Variants in TFCP2L1 observed in about 807,000 individuals in gnomAD.
The protein encoded by TFCP2L1 is transcription factor CP2-like protein 1.
Under a neutral mutation model 72.2 loss-of-function variants are expected in TFCP2L1, and 12 were observed. That is an observed-to-expected ratio of 0.17 (90% CI 0.11 to 0.27). TFCP2L1 has a LOEUF of 0.27. Ranked by LOEUF, TFCP2L1 falls within the 10% of genes least tolerant of loss-of-function variation. The pLI is 1.00. For missense variants in TFCP2L1, 488 were observed against 624.6 expected, an observed-to-expected ratio of 0.78 and a Z score of 2.33; for synonymous variants, 260 against 251.0, an observed-to-expected ratio of 1.04 and a Z score of -0.34.
intron 7 of TFCP2L1, chr2:121,240,127 T>C: frequency 1.0e-6 from 1 of 984,950 alleles, no homozygotes; most frequent in Non-Finnish European, 1.2e-6. Flanking sequence ...AAGAATCTGC[T>C]GACAGGGGCG....
In TFCP2L1 at chr2:121,260,740, T is replaced by G. The variant is rs184408039; in HGVS notation, c.215-11093A>C. Among the ~76,000 whole-genome samples the G allele has an allele frequency of 6.6e-4, 101 of 152,306 alleles. No homozygotes were observed. In the East Asian group the frequency reaches 0.012, roughly 18 times the overall value. ...TGCCCCTCTCCCAGTGGGCCTCCCC[T>G]GGGTCGTGCCCACCAGGTGCTCCTG... is the stretch of plus-strand genomic sequence containing the variant. On this transcript the variant is annotated intron_variant, in intron 2 of 14. Transcript: ENST00000263707.
intron 6 of TFCP2L1, among the ~76,000 whole-genome samples, chr2:121,244,133 C>T (rs1026150377): frequency 4.6e-5 from 7 of 152,208 alleles, no homozygotes; most frequent in Admixed American, 4.6e-4. Flanking sequence ...GGAGACTCCT[C>T]CTCCCTGCAC....
chr2:121,254,522 C>T (rs1247974132), intron 2 of TFCP2L1, among the ~76,000 whole-genome samples: 3 of 152,192 alleles, frequency 2.0e-5, no homozygotes, highest in Non-Finnish European at 4.4e-5. Flanking sequence ...TGGTGGCTTA[C>T]ACCTGTAATC....
intron 2 of TFCP2L1, among the ~76,000 whole-genome samples, chr2:121,256,954 C>T (rs1038733761): frequency 5.9e-5 from 9 of 151,908 alleles, no homozygotes; most frequent in Non-Finnish European, 1.0e-4. Flanking sequence ...GGTCCTGCAA[C>T]GGCCCCAGGA....
chr2:121,235,582 T>C (rs1003588653), intron 10 of TFCP2L1, among the ~76,000 whole-genome samples: 20 of 149,468 alleles, frequency 1.3e-4, no homozygotes, highest in African/African-American at 2.9e-4. Context: ...TTCTTTTTTT[T>C]TTTTTTTTTT....
intron 2 of TFCP2L1, among the ~76,000 whole-genome samples, chr2:121,250,670 G>A (rs907334503): frequency 9.8e-4 from 146 of 149,030 alleles, no homozygotes; most frequent in African/African-American, 3.3e-3. Flanking sequence ...GCAGTGGCAC[G>A]ATCTTGGCTC....
chr2:121,249,078 G>A lies in TFCP2L1; in HGVS notation c.301C>T (p.Arg101Cys). ...LNTKYVKSII[R>C]VVFHDRRLQY... is the part of the protein sequence containing the mutation. ...AGCCGGCGGTCATGGAAGACCACAC[G>A]GATGATGCTCTGGGGAGGGAGGCCA... The change falls in exon 4 of 15, where the codon CGT becomes TGT. Residue 101 changes from arginine to cysteine, a missense_variant. Physicochemically the swap from Arg to Cys is radical, Grantham distance 180 (BLOSUM62 -3). Coordinates refer to ENST00000263707, the MANE Select transcript of TFCP2L1 (RefSeq NM_014553.3). 1.3e-6 allele frequency: 2 copies of A among 1,586,424 alleles called. No individual in the cohort carries two copies.
At chr2:121,272,437 C>T (rs1463660303) in intron 2 of TFCP2L1, among the ~76,000 whole-genome samples, 3 of 152,182 alleles carry the variant, frequency 2.0e-5, no homozygotes, top group Non-Finnish European at 2.9e-5. Context: ...GCTATTTCAA[C>T]ACCTTGCATA....
Position 121,228,257 on chromosome 2 carries a change from C to T in TFCP2L1, c.1342-2644G>A, listed in dbSNP as rs1026822149. On this transcript the variant is annotated intron_variant, in intron 13 of 14. Transcript: ENST00000263707. ...GAGGAAGGAACTGCCTTCAGGGACC[C>T]GTGATATTGCAAGCGTTCCCCACAT... Among the ~76,000 whole-genome samples, 5 of 152,262 alleles carry T rather than the reference C, an allele frequency of 3.3e-5. No homozygotes were observed. The East Asian group carries it at 7.7e-4, about 24-fold the overall frequency.
intron 10 of TFCP2L1, among the ~76,000 whole-genome samples, chr2:121,236,668 A>G (rs1469475366): frequency 6.6e-6 from 1 of 151,890 alleles, no homozygotes; most frequent in Admixed American, 6.6e-5. Context: ...CAGGGCCCCC[A>G]TCCTGTCCGT....
At chr2:121,270,625 T>C (rs1401432064) in intron 2 of TFCP2L1, among the ~76,000 whole-genome samples, 1 of 152,200 alleles carries the variant, frequency 6.6e-6, no homozygotes, top group African/African-American at 2.4e-5. Flanking sequence ...ATGATTGTAG[T>C]GTAACCAGTA....
At chr2:121,265,865 CT>C (rs559969459) in intron 2 of TFCP2L1, among the ~76,000 whole-genome samples, 7,639 of 131,484 alleles carry the variant, frequency 0.058, 178 homozygotes, top group African/African-American at 0.083. Context: ...AAGTAGTAAT[CT>C]TTTTTTTTTT....
At chr2:121,258,366 C>T (rs1235805999) in intron 2 of TFCP2L1, among the ~76,000 whole-genome samples, 1 of 152,172 alleles carries the variant, frequency 6.6e-6, no homozygotes, top group African/African-American at 2.4e-5. Context: ...CCAGCTTAGG[C>T]GCTAAAAAAT....
At chr2:121,246,077 C>T (rs550016901) in intron 6 of TFCP2L1, among the ~76,000 whole-genome samples, 43 of 152,316 alleles carry the variant, frequency 2.8e-4, no homozygotes, top group African/African-American at 9.9e-4. Flanking sequence ...CCTGCTAGAG[C>T]GGCCCCGGCA....
intron 2 of TFCP2L1, among the ~76,000 whole-genome samples, chr2:121,258,839 A>T (rs1160212908): frequency 6.6e-6 from 1 of 152,210 alleles, no homozygotes; most frequent in Admixed American, 6.5e-5. Context: ...ATAGGAATAG[A>T]TGATAGGTGA....
intron 5 of TFCP2L1, among the ~76,000 whole-genome samples, chr2:121,247,315 G>T (rs1431269766): frequency 6.6e-6 from 1 of 152,058 alleles, no homozygotes; most frequent in African/African-American, 2.4e-5. Flanking sequence ...TGAGGGCAGG[G>T]ACCACAGCAC....
At chr2:121,256,669 C>T (rs974541164) in intron 2 of TFCP2L1, among the ~76,000 whole-genome samples, 1 of 151,894 alleles carries the variant, frequency 6.6e-6, no homozygotes. Context: ...CCCAGGTACT[C>T]GGGAAGCTGA....
intron 2 of TFCP2L1, among the ~76,000 whole-genome samples, chr2:121,274,352 T>C (rs1202293253): frequency 6.6e-6 from 1 of 152,204 alleles, no homozygotes; most frequent in African/African-American, 2.4e-5. Flanking sequence ...CTGAAACTTT[T>C]TGAGTCCTGA....
intron 2 of TFCP2L1, among the ~76,000 whole-genome samples, chr2:121,268,062 C>T (rs755317632): frequency 4.6e-5 from 7 of 152,092 alleles, no homozygotes; most frequent in African/African-American, 1.7e-4. Context: ...CAGTGAGCTA[C>T]GATCACAGCA....
Sources: allele counts gnomAD v4.1 joint callset (sites outside exome capture counted in the v4.1 genomes callset), GRCh38; gene constraint gnomAD v4.1.1; transcripts MANE v1.5; gene names NCBI Gene and HGNC (gene_info 2026-07-23, HGNC 2026-07-21).